PBX1: variants seen among roughly 807,000 people sequenced by gnomAD.
PBX1 encodes PBX homeobox 1, also known as pre-B-cell leukemia transcription factor 1.
A neutral mutation model predicts 53.4 loss-of-function variants in PBX1; 6 were observed. That is an observed-to-expected ratio of 0.11 (90% CI 0.06 to 0.22). PBX1 has a LOEUF of 0.22. PBX1 is among the 10% of genes least tolerant of loss of function. The pLI is 1.00. For synonymous variants in PBX1, 204 were observed against 212.3 expected, an observed-to-expected ratio of 0.96 and a Z score of 0.34; for missense variants, 251 against 551.4, an observed-to-expected ratio of 0.46 and a Z score of 5.46.
At chr1:164,840,440 C>A (rs1398417034) in intron 8 of PBX1, among the ~76,000 whole-genome samples, 2 of 152,110 alleles carry the variant, frequency 1.3e-5, no homozygotes, top group East Asian at 1.9e-4. Flanking sequence ...GGGTCTCACA[C>A]CAGAGAGAGA....
rs1042316292 is a variant in PBX1, at chr1:164,711,472, C to A, written c.266-81022C>A. ...TAGAGACATGGTTTCACCATGTTAG[C>A]CATGATGGTCTCGATCTCCTGACCT... On this transcript the variant is annotated intron_variant, in intron 2 of 8. Coordinates refer to ENST00000420696, the MANE Select transcript of PBX1 (RefSeq NM_002585.4). Among the ~76,000 whole-genome samples the A allele has an allele frequency of 2.0e-5, 3 of 152,186 alleles. 1 individual carries two copies. The highest frequency in any genetic ancestry group is 4.4e-5 in the Non-Finnish European group (3 of 68,032).
At chr1:164,857,910 GAC>G (rs1230623297) in intron 2 of PBX1, among the ~76,000 whole-genome samples, 2 of 152,180 alleles carry the variant, frequency 1.3e-5, no homozygotes, top group South Asian at 4.1e-4. Context: ...AACAATGCCT[GAC>G]ACACAGTAAA....
chr1:164,797,157 G>A (rs560445289), intron 3 of PBX1, among the ~76,000 whole-genome samples: 5 of 152,158 alleles, frequency 3.3e-5, no homozygotes, highest in African/African-American at 1.2e-4. Flanking sequence ...AAAGGGCCCC[G>A]GGATAGAGTG....
chr1:164,605,141 A>G (rs1475599303), intron 2 of PBX1: 1 of 151,958 alleles, frequency 6.6e-6, no homozygotes, highest in Non-Finnish European at 1.5e-5. Context: ...TTAGGAGGGC[A>G]CCTTATTGTC....
rs540228396 is a variant in PBX1 at position 164,866,185 on chromosome 1, A to G, written n.258-33003A>G. Among the ~76,000 whole-genome samples the G allele has an allele frequency of 2.6e-4, 39 of 152,360 alleles. No individual in the cohort carries two copies. In the South Asian group the frequency reaches 8.1e-3, roughly 32 times the overall value. On this transcript the variant is annotated intron_variant and non_coding_transcript_variant, in intron 2 of 2. Coordinates refer to the PBX1 transcript ENST00000558796. The stretch of plus-strand genomic sequence containing the variant: ...ATATATTCTTATTCATTATTCTGTA[A>G]CTTATGTGGCATCAATGATCAAATT...
intron 2 of PBX1, among the ~76,000 whole-genome samples, chr1:164,761,440 G>A (rs1666805250): frequency 1.3e-5 from 2 of 152,136 alleles, no homozygotes; most frequent in Non-Finnish European, 2.9e-5. Context: ...TCTTTCATTG[G>A]GACATTATTC....
At chr1:164,773,876 C>A (rs551453442) in intron 2 of PBX1, among the ~76,000 whole-genome samples, 1 of 152,172 alleles carries the variant, frequency 6.6e-6, no homozygotes, top group South Asian at 2.1e-4. Flanking sequence ...GCAGTGTTAA[C>A]GCAGTGGATC....
At chr1:164,640,565 T>G (rs1369841758) in intron 2 of PBX1, among the ~76,000 whole-genome samples, 11 of 148,892 alleles carry the variant, frequency 7.4e-5, no homozygotes, top group Admixed American at 1.3e-4. Context: ...TGTGTTTTTT[T>G]TTTTTTTTTT....
chr1:164,846,648 G>A lies in PBX1; in HGVS notation c.1265G>A (p.Gly422Asp), dbSNP rs150307059. 98 of 1,613,950 alleles carry A rather than the reference G, an allele frequency of 6.1e-5. No homozygotes were observed. The highest frequency in any genetic ancestry group is 7.9e-5 in the Non-Finnish European group (93 of 1,179,966). The change falls in exon 9 of 9, where the codon GGC (glycine) becomes GAC (aspartate). Residue 422 changes from glycine (G) to aspartate (D), a missense_variant. Physicochemically the swap from Gly to Asp is moderately conservative, Grantham distance 94 (BLOSUM62 -1). Around this residue, in one of 4 missense-constraint regions of PBX1, gnomAD observed 92 missense variants for 130.4 expected, o/e 0.71. Coordinates refer to ENST00000420696, the MANE Select transcript of PBX1 (RefSeq NM_002585.4). ...SSVTSPTEGPGSVHSDTSN is the reference protein window; with the variant it reads ...SSVTSPTEGPDSVHSDTSN ...GTGACCTCCCCTACAGAAGGCCCTG[G>A]CAGTGTTCACTCTGATACCTCCAAC...
At chr1:164,591,144 T>G (rs1655346314) in intron 2 of PBX1, among the ~76,000 whole-genome samples, 1 of 152,016 alleles carries the variant, frequency 6.6e-6, no homozygotes, top group Non-Finnish European at 1.5e-5. Flanking sequence ...CCCAAGTAGC[T>G]GGGACTACAG....
Position 164,596,871 on chromosome 1 carries a change from T to TA in PBX1, c.265+33573dup, listed in dbSNP as rs879334067. Among the ~76,000 whole-genome samples, 1,229 of 142,962 alleles carry TA rather than the reference T, an allele frequency of 8.6e-3. 17 individuals are homozygous for TA. Among genetic ancestry groups the TA allele is most frequent in the African/African-American group, 0.027 (1,047 of 39,218 alleles). 93.8% of individuals were successfully genotyped at this position (142,962 alleles called of 152,430 possible). A position where few individuals can be genotyped will look rare whatever the true frequency, so the allele number is the denominator to read the frequency against. On this transcript the variant is annotated intron_variant, in intron 2 of 8. Transcript: ENST00000420696. ...TTATGTTGTTCAGTGTTTTCTAAATTAAAAAAAAAAAAAGAAATTATCCAG... is the reference window on the plus strand; with the variant it reads ...TTATGTTGTTCAGTGTTTTCTAAATTAAAAAAAAAAAAAAGAAATTATCCAG...
chr1:164,752,328 T>C (rs1004727249), intron 2 of PBX1, among the ~76,000 whole-genome samples: 3 of 151,862 alleles, frequency 2.0e-5, no homozygotes, highest in African/African-American at 7.3e-5. Flanking sequence ...TTCCTTCTGC[T>C]GGTGCCATGG....
chr1:164,634,242 T>G (rs2101885747), intron 2 of PBX1, among the ~76,000 whole-genome samples: 1 of 152,314 alleles, frequency 6.6e-6, no homozygotes, highest in South Asian at 2.1e-4. Context: ...GGCCAGAGGC[T>G]TCTTGAGGGA....
chr1:164,566,493 T>A (rs1251013838), intron 2 of PBX1, among the ~76,000 whole-genome samples: 1 of 152,192 alleles, frequency 6.6e-6, no homozygotes, highest in Non-Finnish European at 1.5e-5. Context: ...AATTAGAGTT[T>A]TGGATCATTT....
intron 2 of PBX1, among the ~76,000 whole-genome samples, chr1:164,695,385 A>G (rs1662748684): frequency 6.6e-6 from 1 of 152,158 alleles, no homozygotes; most frequent in Admixed American, 6.5e-5. Context: ...ATCATATGCT[A>G]CAAATATACT....
Position 164,559,741 on chromosome 1 carries a change from A to G in PBX1, c.-82A>G. On this transcript the variant is annotated 5_prime_UTR_variant, in exon 1 of 9. Coordinates refer to ENST00000420696, the MANE Select transcript of PBX1 (RefSeq NM_002585.4). ...GAAAAGGATTTGAAGACAAGCTTGAAGGATAAAAAGCCTTGGTGCTTCCCA... is the reference window on the plus strand; with the variant it reads ...GAAAAGGATTTGAAGACAAGCTTGAGGGATAAAAAGCCTTGGTGCTTCCCA... 8 of 1,023,476 alleles carry G rather than the reference A, an allele frequency of 7.8e-6. No individual in the cohort carries two copies. Among genetic ancestry groups the G allele is most frequent in the Non-Finnish European group, 1.1e-5 (8 of 723,704 alleles). 63.4% of individuals were successfully genotyped at this position (1,023,476 alleles called of 1,614,324 possible). A position where few individuals can be genotyped will look rare whatever the true frequency, so the allele number is the denominator to read the frequency against.
At chr1:164,576,874 G>A (rs1055449920) in intron 2 of PBX1, 5 of 152,326 alleles carry the variant, frequency 3.3e-5, no homozygotes, top group African/African-American at 1.2e-4. Flanking sequence ...TCTGTTCCTG[G>A]GAAGGATCTG....
intron 2 of PBX1, among the ~76,000 whole-genome samples, chr1:164,745,743 G>C (rs1557981088): frequency 6.6e-6 from 1 of 152,248 alleles, no homozygotes; most frequent in Non-Finnish European, 1.5e-5. Flanking sequence ...CATTAACAGA[G>C]CTGAGAGCCC....
At chr1:164,739,130 G>A (rs1275056825) in intron 2 of PBX1, among the ~76,000 whole-genome samples, 3 of 152,094 alleles carry the variant, frequency 2.0e-5, no homozygotes, top group Non-Finnish European at 4.4e-5. Context: ...AGAAGCTGTA[G>A]TCCAGAAAAC....
Sources: allele counts gnomAD v4.1 joint callset (sites outside exome capture counted in the v4.1 genomes callset), GRCh38; gene constraint gnomAD v4.1.1; regional missense constraint gnomAD v4.1.1; transcripts MANE v1.5; gene names NCBI Gene and HGNC (gene_info 2026-07-23, HGNC 2026-07-21).